ADCY5: variants seen among roughly 807,000 people sequenced by gnomAD.
ADCY5 encodes the protein adenylate cyclase type 5.
Under a neutral mutation model 119.7 loss-of-function variants are expected in ADCY5, and 30 were observed. That is an observed-to-expected ratio of 0.25 (90% CI 0.19 to 0.34). ADCY5 has a LOEUF of 0.34. Ranked by LOEUF, ADCY5 falls within the 10% of genes least tolerant of loss-of-function variation. ADCY5 has a pLI of 1.00. For missense variants in ADCY5, 1,324 were observed against 1,775.2 expected, an observed-to-expected ratio of 0.75 and a Z score of 4.57; for synonymous variants, 753 against 762.2, an observed-to-expected ratio of 0.99 and a Z score of 0.20.
intron 1 of ADCY5, among the ~76,000 whole-genome samples, chr3:123,401,638 G>C (rs189882513): frequency 6.2e-4 from 94 of 152,236 alleles, no homozygotes; most frequent in Non-Finnish European, 8.4e-4. Context: ...CAGCATTTCT[G>C]GGGGGTAGGG....
intron 1 of ADCY5, among the ~76,000 whole-genome samples, chr3:123,361,456 C>T (rs1943243230): frequency 6.6e-6 from 1 of 152,168 alleles, no homozygotes; most frequent in South Asian, 2.1e-4. Context: ...AAAAGAAACC[C>T]CATGCCCATT....
chr3:123,350,467 T>C (rs1203292533), intron 2 of ADCY5, among the ~76,000 whole-genome samples: 2 of 152,358 alleles, frequency 1.3e-5, no homozygotes, highest in Middle Eastern at 3.4e-3. Context: ...GTGGGATGAC[T>C]GGGAGAGACC....
At chr3:123,407,922 T>G (rs1944943878) in intron 1 of ADCY5, among the ~76,000 whole-genome samples, 1 of 151,222 alleles carries the variant, frequency 6.6e-6, no homozygotes, top group Middle Eastern at 3.4e-3. Flanking sequence ...AAATTCGGAG[T>G]GACTACTAAT....
At chr3:123,374,775 G>A (rs1005269875) in intron 1 of ADCY5, among the ~76,000 whole-genome samples, 2 of 152,198 alleles carry the variant, frequency 1.3e-5, no homozygotes, top group African/African-American at 2.4e-5. Context: ...GGGGCTGGGA[G>A]GGAGGGATGA....
At chr3:123,355,638 T>TA (rs149008217) in intron 1 of ADCY5, among the ~76,000 whole-genome samples, 41,851 of 143,738 alleles carry the variant, frequency 0.29, 6,525 homozygotes, top group Non-Finnish European at 0.38. Flanking sequence ...AGTAGAAATC[T>TA]AAAAAAAAAA....
intron 12 of ADCY5, among the ~76,000 whole-genome samples, chr3:123,308,324 A>G (rs1444415058): frequency 1.3e-5 from 2 of 150,888 alleles, no homozygotes; most frequent in African/African-American, 4.9e-5. Context: ...GGCGTGAGCC[A>G]CTGCACCCGG....
At chr3:123,327,567 C>A (rs1941552096) in intron 7 of ADCY5, 51 bp downstream of exon 7, 4 of 1,549,952 alleles carry the variant, frequency 2.6e-6, no homozygotes, top group Non-Finnish European at 3.5e-6. Flanking sequence ...CGAAAATGTT[C>A]CTCCCTGGAG....
At chr3:123,315,992 G>A (rs1227875034) in intron 11 of ADCY5, among the ~76,000 whole-genome samples, 4 of 152,164 alleles carry the variant, frequency 2.6e-5, no homozygotes, top group African/African-American at 9.7e-5. Flanking sequence ...GGTCAACCAG[G>A]GTGGAGCTGG....
At chr3:123,410,838 C>T (rs929728959) in intron 1 of ADCY5, among the ~76,000 whole-genome samples, 1 of 152,084 alleles carries the variant, frequency 6.6e-6, no homozygotes, top group Admixed American at 6.6e-5. Context: ...TGTAGAGATG[C>T]AGTCTCACTA....
chr3:123,296,208 T>C lies in ADCY5; in HGVS notation c.2939A>G (p.His980Arg), dbSNP rs760450179. ...FNNGTSQCPE[H>R]ATKVALKVVT... is the part of the protein sequence containing the mutation. ...CACCTTCAATGCCACCTTGGTTGCATGCTCAGGGCTGTGGGGAGGTGGTGG... is the reference window on the plus strand; with the variant it reads ...CACCTTCAATGCCACCTTGGTTGCACGCTCAGGGCTGTGGGGAGGTGGTGG... The change falls in exon 17 of 21, where the codon CAT (histidine) becomes CGT (arginine). Residue 980 changes from histidine (H) to arginine (R), a missense_variant. Coordinates refer to ENST00000462833, the MANE Select transcript of ADCY5 (RefSeq NM_183357.3). The C allele has an allele frequency of 1.2e-6, 2 of 1,613,760 alleles. No homozygotes were observed. Among genetic ancestry groups the C allele is most frequent in the Admixed American group, 3.3e-5 (2 of 60,016 alleles).
chr3:123,437,018 T>A (rs561814638), intron 1 of ADCY5, among the ~76,000 whole-genome samples: 28 of 152,070 alleles, frequency 1.8e-4, no homozygotes, highest in African/African-American at 6.8e-4. Flanking sequence ...TGAGTACAAG[T>A]GACTTTTCTG....
intron 1 of ADCY5, among the ~76,000 whole-genome samples, chr3:123,373,023 C>T (rs1267947221): frequency 2.0e-5 from 3 of 152,212 alleles, no homozygotes; most frequent in African/African-American, 7.2e-5. Context: ...CTGTTCTCTC[C>T]TGCCCGGTTA....
At chr3:123,295,116 T>C (rs1339472540) in intron 17 of ADCY5, among the ~76,000 whole-genome samples, 2 of 152,168 alleles carry the variant, frequency 1.3e-5, no homozygotes, top group Admixed American at 6.5e-5. Context: ...CCAGAACCCA[T>C]GCAAAATACT....
chr3:123,308,925 A>C (rs1940386136), intron 12 of ADCY5, among the ~76,000 whole-genome samples: 1 of 152,266 alleles, frequency 6.6e-6, no homozygotes, highest in African/African-American at 2.4e-5. Flanking sequence ...GATCGTGGAG[A>C]GGATTTTCCA....
intron 8 of ADCY5, among the ~76,000 whole-genome samples, chr3:123,322,713 G>A (rs1340965772): frequency 1.3e-5 from 2 of 152,182 alleles, no homozygotes; most frequent in Non-Finnish European, 2.9e-5. Flanking sequence ...GCCCACACGT[G>A]TCTTCCCACT....
chr3:123,382,459 T>C (rs974867053), intron 1 of ADCY5, among the ~76,000 whole-genome samples: 1 of 152,218 alleles, frequency 6.6e-6, no homozygotes, highest in Non-Finnish European at 1.5e-5. Context: ...CTCAAACAGA[T>C]ATTTTTACAC....
At chr3:123,347,626 A>C (rs1191478737) in intron 3 of ADCY5, among the ~76,000 whole-genome samples, 156 bp downstream of exon 3, 2 of 151,914 alleles carry the variant, frequency 1.3e-5, no homozygotes, top group Non-Finnish European at 2.9e-5. Context: ...CTCATTTAAC[A>C]CACCTGGAGG....
intron 1 of ADCY5, among the ~76,000 whole-genome samples, chr3:123,411,098 C>G (rs148321893): frequency 1.4e-4 from 21 of 152,282 alleles, no homozygotes; most frequent in Non-Finnish European, 2.6e-4. Context: ...AAGCCTAACC[C>G]GTTCCCTCCA....
At chr3:123,411,952 C>T (rs556364285) in intron 1 of ADCY5, among the ~76,000 whole-genome samples, 3 of 152,186 alleles carry the variant, frequency 2.0e-5, no homozygotes, top group Non-Finnish European at 2.9e-5. Context: ...ACCAAGCCCA[C>T]CCACACAGAA....
Sources: gnomAD v4.1 joint callset for allele counts (sites outside exome capture counted in the v4.1 genomes callset) on GRCh38, gnomAD v4.1.1 for gene constraint, MANE v1.5 for transcripts, NCBI Gene and HGNC (gene_info 2026-07-23, HGNC 2026-07-21) for gene names.